The following TMCC1 variants were observed in gnomAD, a reference collection of about 807,000 sequenced individuals.
TMCC1 encodes the protein transmembrane and coiled-coil domains protein 1.
Under a neutral mutation model 52.4 loss-of-function variants are expected in TMCC1, and 15 were observed. The ratio of observed to expected loss-of-function variants is 0.29; its 90% CI spans 0.19 to 0.44. The LOEUF is 0.44. Ranked by LOEUF, TMCC1 falls within the 20% of genes least tolerant of loss-of-function variation. TMCC1 has a pLI of 1.00. For missense variants in TMCC1, 503 were observed against 806.0 expected, an observed-to-expected ratio of 0.62 and a Z score of 4.55; for synonymous variants, 279 against 301.9, an observed-to-expected ratio of 0.92 and a Z score of 0.79.
intron 4 of TMCC1, among the ~76,000 whole-genome samples, chr3:129,742,466 T>C (rs531806192): frequency 6.6e-6 from 1 of 152,220 alleles, no homozygotes; most frequent in East Asian, 1.9e-4. Flanking sequence ...CATAAAAAGA[T>C]GCTCAGCTCA....
chr3:129,757,055 C>G (rs114457809), intron 4 of TMCC1, among the ~76,000 whole-genome samples: 292 of 152,266 alleles, frequency 1.9e-3, no homozygotes, highest in African/African-American at 6.7e-3. Flanking sequence ...GCCATATGGC[C>G]TGCTTCTTCC....
intron 4 of TMCC1, among the ~76,000 whole-genome samples, chr3:129,717,142 CA>C (rs2049171523): frequency 6.6e-6 from 1 of 152,178 alleles, no homozygotes; most frequent in South Asian, 2.1e-4. Context: ...AAAGATTATT[CA>C]AACTCACTGT....
In TMCC1 at chr3:129,648,910, G is replaced by A. The variant is rs1345746579; in HGVS notation, c.*2571C>T. On this transcript the variant is annotated 3_prime_UTR_variant, in exon 7 of 7. Transcript: ENST00000393238. Reference sequence around the variant, plus strand: ...ACAGCATTAAATGCGTACAACTTCTGGGTCTGGTGAATAATTAAGGGACAA... The same window carrying A: ...ACAGCATTAAATGCGTACAACTTCTAGGTCTGGTGAATAATTAAGGGACAA... The A allele has an allele frequency of 6.6e-6, 1 of 152,184 alleles. No homozygotes were observed. The highest frequency in any genetic ancestry group is 2.4e-5 in the African/African-American group (1 of 41,436). 9.4% of individuals were successfully genotyped at this position (152,184 alleles called of 1,614,324 possible).
At chr3:129,714,156 A>G (rs1194962818) in intron 4 of TMCC1, among the ~76,000 whole-genome samples, 1 of 152,242 alleles carries the variant, frequency 6.6e-6, no homozygotes, top group East Asian at 1.9e-4. Context: ...ATTTGTCATT[A>G]AACTTCAACT....
At chr3:129,781,310 T>C (rs2055505684) in intron 4 of TMCC1, among the ~76,000 whole-genome samples, 2 of 152,178 alleles carry the variant, frequency 1.3e-5, no homozygotes, top group Non-Finnish European at 2.9e-5. Context: ...ATTAATTCAC[T>C]CAATAAATGA....
intron 4 of TMCC1, among the ~76,000 whole-genome samples, chr3:129,731,377 A>C (rs1424970120): frequency 6.6e-6 from 1 of 152,216 alleles, no homozygotes; most frequent in Non-Finnish European, 1.5e-5. Context: ...CAGGAGTTTG[A>C]GACCAGTCTA....
At chr3:129,715,893 T>A (rs981698981) in intron 4 of TMCC1, among the ~76,000 whole-genome samples, 1 of 152,158 alleles carries the variant, frequency 6.6e-6, no homozygotes, top group African/African-American at 2.4e-5. Context: ...AGTACCTCCA[T>A]CTAAGAGACA....
intron 4 of TMCC1, among the ~76,000 whole-genome samples, chr3:129,712,768 C>A (rs1211348590): frequency 6.6e-6 from 1 of 151,270 alleles, no homozygotes; most frequent in Non-Finnish European, 1.5e-5. Flanking sequence ...ATTTTTAAAA[C>A]CAATCTTTAT....
At chr3:129,795,844 C>T (rs1251698943) in intron 4 of TMCC1, among the ~76,000 whole-genome samples, 6 of 152,154 alleles carry the variant, frequency 3.9e-5, no homozygotes, top group Non-Finnish European at 5.9e-5. Context: ...ACTGAGTAAG[C>T]GATTTGGTCA....
At chr3:129,744,267 G>A (rs1284201238) in intron 4 of TMCC1, among the ~76,000 whole-genome samples, 1 of 152,176 alleles carries the variant, frequency 6.6e-6, no homozygotes, top group East Asian at 1.9e-4. Flanking sequence ...GTAGTTTTTA[G>A]AAACCTCAAT....
At chr3:129,883,798 G>A (rs766686741) in intron 1 of TMCC1, among the ~76,000 whole-genome samples, 6 of 151,666 alleles carry the variant, frequency 4.0e-5, no homozygotes, top group Non-Finnish European at 7.4e-5. Flanking sequence ...GACCAACTTG[G>A]TTTCACCAAC....
At chr3:129,752,814 G>A (rs1050933021) in intron 4 of TMCC1, among the ~76,000 whole-genome samples, 1 of 152,148 alleles carries the variant, frequency 6.6e-6, no homozygotes, top group Non-Finnish European at 1.5e-5. Context: ...AGTAATTTAC[G>A]AAGAAAAGAG....
At chr3:129,868,153 A>G (rs1206429332) in intron 2 of TMCC1, among the ~76,000 whole-genome samples, 1 of 152,162 alleles carries the variant, frequency 6.6e-6, no homozygotes, top group Admixed American at 6.6e-5. Context: ...AAACCATACA[A>G]GCAGGAAAGA....
chr3:129,884,847 G>A (rs1248006813), intron 1 of TMCC1, among the ~76,000 whole-genome samples: 1 of 150,024 alleles, frequency 6.7e-6, no homozygotes, highest in Non-Finnish European at 1.5e-5. Context: ...ATTTACAAAT[G>A]AGCTACAGCA....
chr3:129,827,804 C>T lies in TMCC1; in HGVS notation c.575G>A (p.Arg192Gln), dbSNP rs755184752. 50 of 1,609,782 alleles carry T rather than the reference C, an allele frequency of 3.1e-5. No individual in the cohort carries two copies. The East Asian group carries it at 6.3e-4, about 20-fold the overall frequency. ...CLPGEEGTAE[R>Q]IERLEVSSLA... The stretch of plus-strand genomic sequence containing the variant: ...AAAAACAAAATCTTACAAACTTACC[C>T]GCTCCGCAGTTCCCTCCTCTCCTGG... The change falls in exon 4 of 7, where the codon CGG (arginine) becomes CAG (glutamine). Residue 192 changes from arginine to glutamine, a missense_variant and splice_region_variant. Physicochemically the swap from Arg to Gln is conservative, Grantham distance 43 (BLOSUM62 1). This residue lies in a region of TMCC1 where 217 missense variants were observed against 297.9 expected (regional missense o/e 0.73). Coordinates refer to ENST00000393238, the MANE Select transcript of TMCC1 (RefSeq NM_001017395.5).
intron 4 of TMCC1, among the ~76,000 whole-genome samples, chr3:129,716,429 G>C (rs1237603265): frequency 6.7e-6 from 1 of 149,324 alleles, no homozygotes; most frequent in Non-Finnish European, 1.5e-5. Flanking sequence ...CTGTCTCCCA[G>C]GTTCACGCCA....
chr3:129,651,430 C>T lies in TMCC1; in HGVS notation c.*51G>A, dbSNP rs2086312812. 19 of 1,564,384 alleles carry T rather than the reference C, an allele frequency of 1.2e-5. No individual in the cohort carries two copies. The highest frequency in any genetic ancestry group is 1.7e-5 in the Non-Finnish European group (19 of 1,151,142). On this transcript the variant is annotated 3_prime_UTR_variant, in exon 7 of 7. Transcript: ENST00000393238. This position sits in a 1 kb window ranked among gnomAD's most constrained non-coding sequence, Gnocchi z 5.1. ...AGTAGGTAAGTTGCTGTCTAACTCT[C>T]TGCTGCATGCACTCGCCAGAGGGTA...
chr3:129,698,661 A>AG (rs2047588783), intron 4 of TMCC1, among the ~76,000 whole-genome samples: 1 of 152,220 alleles, frequency 6.6e-6, no homozygotes, highest in Non-Finnish European at 1.5e-5. Flanking sequence ...TCTTTTTTAA[A>AG]GCAACTAATT....
chr3:129,704,098 T>G (rs759316852), intron 4 of TMCC1, among the ~76,000 whole-genome samples: 1 of 152,128 alleles, frequency 6.6e-6, no homozygotes, highest in Non-Finnish European at 1.5e-5. Flanking sequence ...TGGAGAAGAA[T>G]GAATGAAAGA....
Sources: gnomAD v4.1 joint callset for allele counts (sites outside exome capture counted in the v4.1 genomes callset) on GRCh38, gnomAD v4.1.1 for gene constraint, gnomAD v4.1.1 regional missense constraint, Gnocchi (gnomAD v3.1) non-coding constraint, MANE v1.5 for transcripts, NCBI Gene and HGNC (gene_info 2026-07-23, HGNC 2026-07-21) for gene names.